ACSS3: variants seen among roughly 807,000 people sequenced by gnomAD.
The protein encoded by ACSS3 is acyl-CoA synthetase short chain family member 3.
ACSS3 carries 64 observed loss-of-function variants against 84.2 expected under a neutral mutation model. The observed-to-expected ratio is 0.76, with a 90% CI of 0.62 to 0.94. The LOEUF (loss-of-function observed/expected upper bound fraction) is 0.94. ACSS3 is among the 40% of genes least tolerant of loss of function. The pLI is 0.00. For missense variants in ACSS3, 815 were observed against 867.6 expected (o/e 0.94, Z 0.76); for synonymous variants, 317 against 310.1 (o/e 1.02, Z -0.23).
intron 9 of ACSS3, among the ~76,000 whole-genome samples, chr12:81,207,024 A>G (rs558611489): frequency 1.3e-5 from 2 of 152,292 alleles, no homozygotes; most frequent in Non-Finnish European, 2.9e-5. Context: ...GCTCATTATT[A>G]TATCAGTGAC....
chr12:81,251,552 C>T (rs986742266), intron 13 of ACSS3, among the ~76,000 whole-genome samples: 1 of 151,242 alleles, frequency 6.6e-6, no homozygotes, highest in African/African-American at 2.4e-5. Context: ...ATAAACATAG[C>T]TGGGCGTGGT....
chr12:81,202,204 G>A (rs534308100), intron 9 of ACSS3, among the ~76,000 whole-genome samples: 133 of 152,038 alleles, frequency 8.7e-4, no homozygotes, highest in African/African-American at 2.9e-3. Flanking sequence ...GCATGAACCT[G>A]GGAAGTGGAG....
chr12:81,255,463 C>T lies in ACSS3; in HGVS notation c.*541C>T, dbSNP rs1012339415. The T allele has an allele frequency of 6.6e-6, 1 of 152,076 alleles. No homozygotes were observed. Among genetic ancestry groups the T allele is most frequent in the Non-Finnish European group, 1.5e-5 (1 of 68,046 alleles). The allele number at this position is 152,076 out of a possible 1,614,324, so 9.4% of individuals were successfully genotyped here. On this transcript the variant is annotated 3_prime_UTR_variant, in exon 16 of 16. Coordinates refer to ENST00000548058, the MANE Select transcript of ACSS3 (RefSeq NM_024560.4). ...ATCTAGGTAGGAGGGCTTTTCTATA[C>T]ATTTTCTGAGGGAAAGCAGAACACC... is the stretch of plus-strand genomic sequence containing the variant.
chr12:81,245,142 A>C (rs1456789616), intron 13 of ACSS3, among the ~76,000 whole-genome samples: 1 of 152,146 alleles, frequency 6.6e-6, no homozygotes, highest in African/African-American at 2.4e-5. Context: ...GAACTTCATC[A>C]GTTCTTTGTA....
rs187628737 is a variant in ACSS3 at position 81,239,619 on chromosome 12, A to T, written c.1719+6148A>T. On this transcript the variant is annotated intron_variant, in intron 13 of 15. Transcript: ENST00000548058. Reference sequence around the variant, plus strand: ...GAGTGTGCAGGGGAACTCTCTTTATAAAACCATCAGATCTTGTGATACTTA... The same window carrying T: ...GAGTGTGCAGGGGAACTCTCTTTATTAAACCATCAGATCTTGTGATACTTA... Among the ~76,000 whole-genome samples, 72 of 151,938 alleles carry T rather than the reference A, an allele frequency of 4.7e-4. 3 individuals are homozygous for T. In the South Asian group the frequency reaches 0.012, roughly 25 times the overall value.
At chr12:81,128,201 A>G (rs1262275502) in intron 2 of ACSS3, among the ~76,000 whole-genome samples, 2 of 151,998 alleles carry the variant, frequency 1.3e-5, no homozygotes, top group South Asian at 2.1e-4. Flanking sequence ...CCAGACTCCA[A>G]ATTTCTTTGG....
chr12:81,109,686 T>C lies in ACSS3; in HGVS notation c.438T>C (p.Tyr146=), dbSNP rs1883404043. The C allele has an allele frequency of 1.2e-6, 2 of 1,601,118 alleles. No homozygotes were observed. The highest frequency in any genetic ancestry group is 1.3e-5 in the African/African-American group (1 of 74,536). ...PVTNTKATFT[Y]KEVLEQVSKL... Reference sequence around the variant, plus strand: ...CAAACACTAAAGCAACCTTTACCTATAAAGAAGTTCTGGAGCAGGTAATAT... The same window carrying C: ...CAAACACTAAAGCAACCTTTACCTACAAAGAAGTTCTGGAGCAGGTAATAT... Residue 146 remains tyrosine, a synonymous_variant, in exon 2 of 16, where the codon TAT becomes TAC. Coordinates refer to ENST00000548058, the MANE Select transcript of ACSS3 (RefSeq NM_024560.4).
chr12:81,222,767 G>A (rs761983541), intron 11 of ACSS3, among the ~76,000 whole-genome samples: 5 of 151,958 alleles, frequency 3.3e-5, no homozygotes, highest in African/African-American at 4.8e-5. Context: ...GGCCATTTTA[G>A]CACTTCCTAA....
chr12:81,238,648 G>A (rs1266349638), intron 13 of ACSS3, among the ~76,000 whole-genome samples: 1 of 151,476 alleles, frequency 6.6e-6, no homozygotes, highest in Admixed American at 6.6e-5. Context: ...CAAATTGGTG[G>A]GCATAGACTT....
intron 3 of ACSS3, among the ~76,000 whole-genome samples, chr12:81,136,581 A>G (rs1026858685): frequency 3.3e-5 from 5 of 152,084 alleles, no homozygotes; most frequent in African/African-American, 4.8e-5. Flanking sequence ...AGAGAATGAC[A>G]TAGTAGGATC....
At chr12:81,205,999 C>T (rs2135914004) in intron 9 of ACSS3, among the ~76,000 whole-genome samples, 1 of 152,152 alleles carries the variant, frequency 6.6e-6, no homozygotes, top group African/African-American at 2.4e-5. Flanking sequence ...ATGAAGAAAG[C>T]ACATTCTTGG....
At chr12:81,202,279 A>AAAATAAATAAATAAAT (rs200748784) in intron 9 of ACSS3, among the ~76,000 whole-genome samples, 2 of 151,564 alleles carry the variant, frequency 1.3e-5, no homozygotes, top group African/African-American at 4.9e-5. Flanking sequence ...ACTCTGTCTC[A>AAAATAAATAAATAAAT]AAATAAATAA....
At chr12:81,213,963 CTTTCTTTCTTTCTT>C (rs2032787183) in intron 9 of ACSS3, among the ~76,000 whole-genome samples, 1 of 81,860 alleles carries the variant, frequency 1.2e-5, no homozygotes, top group African/African-American at 4.9e-5. Context: ...CTCTCTCTTT[CTTTCTTTCTTTCTT>C]TCTTTCTTTC....
intron 9 of ACSS3, among the ~76,000 whole-genome samples, chr12:81,206,025 A>G (rs2032332089): frequency 6.6e-6 from 1 of 152,112 alleles, no homozygotes. Flanking sequence ...TGAGGACTCC[A>G]TCTTGATTTA....
At chr12:81,213,868 CTTTCTTTCT>C (rs2032756448) in intron 9 of ACSS3, among the ~76,000 whole-genome samples, 1 of 116,196 alleles carries the variant, frequency 8.6e-6, no homozygotes, top group Non-Finnish European at 1.9e-5. Context: ...CTCTTCCTTT[CTTTCTTTCT>C]TTCTTTCCTT....
In ACSS3 at chr12:81,253,337, T is replaced by C; in HGVS notation, c.1750T>C (p.Cys584Arg). ...CCTTTCCCATGGTACCGTGGCAGAC[T>C]GTGCTGTTGTTGGCAAGGAAGATCC... ...SILSHGTVAD[C>R]AVVGKEDPLK... The change falls in exon 14 of 16, where the codon TGT becomes CGT. Residue 584 changes from cysteine (C) to arginine (R), a missense_variant. Transcript: ENST00000548058. 1 of 1,613,518 alleles carries C rather than the reference T, an allele frequency of 6.2e-7. No homozygotes were observed. Among genetic ancestry groups the C allele is most frequent in the Non-Finnish European group, 8.5e-7 (1 of 1,179,428 alleles).
intron 2 of ACSS3, among the ~76,000 whole-genome samples, chr12:81,109,941 C>A (rs1883434774): frequency 6.6e-6 from 1 of 152,094 alleles, no homozygotes; most frequent in African/African-American, 2.4e-5. Context: ...GAGAGGATGG[C>A]AAATCCTGAG....
chr12:81,118,601 CA>C (rs1477863961), intron 2 of ACSS3, among the ~76,000 whole-genome samples: 1 of 152,146 alleles, frequency 6.6e-6, no homozygotes, highest in Non-Finnish European at 1.5e-5. Context: ...TTTCATTTCA[CA>C]GGCAAAATAA....
At chr12:81,096,487 T>G (rs1324451475) in intron 1 of ACSS3, among the ~76,000 whole-genome samples, 1 of 152,194 alleles carries the variant, frequency 6.6e-6, no homozygotes, top group Non-Finnish European at 1.5e-5. Flanking sequence ...TTTGTTATTA[T>G]TATACTTTAA....
Sources: allele counts gnomAD v4.1 joint callset (sites outside exome capture counted in the v4.1 genomes callset), GRCh38; gene constraint gnomAD v4.1.1; transcripts MANE v1.5; gene names NCBI Gene and HGNC (gene_info 2026-07-23, HGNC 2026-07-21).